The following NUTM2B variants were observed in gnomAD, a reference collection of about 807,000 sequenced individuals.
The protein encoded by NUTM2B is NUT family member 2B, also known as family with sequence similarity 22, member B.
A neutral mutation model predicts 42.4 loss-of-function variants in NUTM2B; 2 were observed. The observed-to-expected ratio is 0.05, with a 90% CI of 0.02 to 0.15. The LOEUF is 0.15. NUTM2B is among the 10% of genes least tolerant of loss of function. The pLI, the probability that NUTM2B is intolerant of heterozygous loss-of-function variation, is 1.00. For synonymous variants in NUTM2B, 18 were observed against 402.4 expected (o/e 0.04, Z 11.43); for missense variants, 58 against 952.6 (o/e 0.06, Z 12.36).
chr10:79,698,287 G>C (rs1259803563), upstream of NUTM2B, among the ~76,000 whole-genome samples: 69 of 151,994 alleles, frequency 4.5e-4, no homozygotes, highest in African/African-American at 1.6e-3. Flanking sequence ...TAAATCCCCC[G>C]AAACACTATC....
the NUTM2B span, among the ~76,000 whole-genome samples, chr10:79,696,339 C>G: frequency 0.26 from 39,544 of 151,804 alleles, 5,811 homozygotes; most frequent in East Asian, 0.69. Context: ...TACCCCAAGC[C>G]AGTACAAGCC....
At chr10:79,697,994 C>T in the NUTM2B span, among the ~76,000 whole-genome samples, 17,580 of 147,804 alleles carry the variant, frequency 0.12, 465 homozygotes, top group East Asian at 0.23. Context: ...GTCCACCTCA[C>T]GAACTCTGAG....
At chr10:79,696,783 T>A in the NUTM2B span, among the ~76,000 whole-genome samples, 4 of 152,218 alleles carry the variant, frequency 2.6e-5, no homozygotes, top group Admixed American at 1.3e-4. Context: ...TGTGCAGCAA[T>A]AGCGCATGCA....
chr10:79,701,580 T>C (rs1333983498), upstream of NUTM2B, among the ~76,000 whole-genome samples: 1 of 151,456 alleles, frequency 6.6e-6, no homozygotes, highest in Non-Finnish European at 1.5e-5. Context: ...GTGCAGAGTC[T>C]GAGAGCTCTG....
At chr10:79,699,605 G>A (rs1283209158), upstream of NUTM2B, among the ~76,000 whole-genome samples, 7 of 152,190 alleles carry the variant, frequency 4.6e-5, no homozygotes, top group African/African-American at 1.7e-4. Context: ...ACCACACCCA[G>A]CTAATTTTTG....
the NUTM2B span, among the ~76,000 whole-genome samples, chr10:79,696,231 G>A: frequency 1.3e-5 from 2 of 149,646 alleles, no homozygotes; most frequent in Non-Finnish European, 3.0e-5. Context: ...GAATTGTGAT[G>A]CTTAAGTGGT....
At chr10:79,694,300 C>A in the NUTM2B span, among the ~76,000 whole-genome samples, 1 of 151,300 alleles carries the variant, frequency 6.6e-6, no homozygotes, top group Non-Finnish European at 1.5e-5. Flanking sequence ...TGGAGGCTGA[C>A]GCAGGAGAAT....
exon 7 of NUTM2B, chr10:79,711,876 G>A: frequency 6.6e-7 from 1 of 1,505,488 alleles, no homozygotes; most frequent in Non-Finnish European, 8.9e-7. Context: ...CACCCCAGAT[G>A]ACTGCCCGGG....
upstream of NUTM2B, among the ~76,000 whole-genome samples, chr10:79,699,145 C>A (rs1209000558): frequency 2.0e-5 from 3 of 151,958 alleles, no homozygotes; most frequent in African/African-American, 7.3e-5. Flanking sequence ...CCTGAGTATA[C>A]AAATGGTCTT....
At chr10:79,692,343 C>T in the NUTM2B span, among the ~76,000 whole-genome samples, 2 of 152,224 alleles carry the variant, frequency 1.3e-5, no homozygotes, top group Non-Finnish European at 2.9e-5. Context: ...GTGGAGTTAG[C>T]ACTATTATCC....
chr10:79,707,256 G>A (rs1308490146), intron 2 of NUTM2B, among the ~76,000 whole-genome samples: 5 of 131,776 alleles, frequency 3.8e-5, no homozygotes, highest in Non-Finnish European at 6.4e-5. Flanking sequence ...CACTGGGGCC[G>A]ATGCCGGGCA....
chr10:79,707,392 T>C (rs1349561752), intron 2 of NUTM2B, among the ~76,000 whole-genome samples: 1 of 133,090 alleles, frequency 7.5e-6, no homozygotes, highest in Non-Finnish European at 1.6e-5. Flanking sequence ...GCACATGCTA[T>C]GACACATTAC....
upstream of NUTM2B, among the ~76,000 whole-genome samples, chr10:79,700,812 G>A (rs1285234258): frequency 6.6e-6 from 1 of 152,222 alleles, no homozygotes; most frequent in African/African-American, 2.4e-5. Context: ...AGGCTCCTGC[G>A]GCGGCACACG....
the NUTM2B span, among the ~76,000 whole-genome samples, chr10:79,693,646 A>G: frequency 3.4e-3 from 520 of 152,378 alleles, 2 homozygotes; most frequent in Non-Finnish European, 5.8e-3. Context: ...CTCAGGATCC[A>G]TGACTACCCA....
At chr10:79,696,109 C>T in the NUTM2B span, among the ~76,000 whole-genome samples, 4 of 148,200 alleles carry the variant, frequency 2.7e-5, no homozygotes, top group African/African-American at 9.9e-5. Flanking sequence ...AATATTCTTG[C>T]TTCATACAAA....
upstream of NUTM2B, among the ~76,000 whole-genome samples, chr10:79,700,665 G>A (rs1356178822): frequency 2.6e-5 from 4 of 152,090 alleles, no homozygotes; most frequent in Non-Finnish European, 4.4e-5. Flanking sequence ...ACACCAAGAA[G>A]GACGCCATGA....
intron 2 of NUTM2B, among the ~76,000 whole-genome samples, chr10:79,707,385 C>T (rs1338112453): frequency 9.8e-5 from 13 of 133,048 alleles, no homozygotes; most frequent in Admixed American, 2.4e-4. Flanking sequence ...GTGCCTGGCA[C>T]ATGCTATGAC....
intron 2 of NUTM2B, among the ~76,000 whole-genome samples, chr10:79,707,262 G>C (rs1037614407): frequency 3.8e-5 from 5 of 131,386 alleles, no homozygotes; most frequent in Non-Finnish European, 8.0e-5. Flanking sequence ...GGCCGATGCC[G>C]GGCAGGTATT....
At chr10:79,710,567 C>A in exon 5 of NUTM2B, 1 of 603,636 alleles carries the variant, frequency 1.7e-6, no homozygotes, top group Non-Finnish European at 2.9e-6. Flanking sequence ...TGAGGAGATC[C>A]CCCCAGAAGT....
Sources: gnomAD v4.1 joint callset for allele counts (sites outside exome capture counted in the v4.1 genomes callset) on GRCh38, gnomAD v4.1.1 for gene constraint, MANE v1.5 for transcripts, NCBI Gene and HGNC (gene_info 2026-07-23, HGNC 2026-07-21) for gene names.